Variants in COL3A1 observed in about 807,000 individuals in gnomAD.
The protein encoded by COL3A1 is collagen alpha-1(III) chain.
A neutral mutation model predicts 200.9 loss-of-function variants in COL3A1; 46 were observed. The observed-to-expected ratio is 0.23, with a 90% CI of 0.18 to 0.29. The LOEUF is 0.29. COL3A1 is among the 10% of genes least tolerant of loss of function. The probability of loss-of-function intolerance (pLI) is 1.00; values close to 1 mark genes in which losing one functional copy is unlikely to be tolerated. For synonymous variants in COL3A1, 650 were observed against 628.0 expected (o/e 1.03, Z -0.52); for missense variants, 1,367 against 1,917.6 (o/e 0.71, Z 5.36).
chr2:188,978,545 A>C (rs1576457811), intron 1 of COL3A1, among the ~76,000 whole-genome samples: 2 of 152,024 alleles, frequency 1.3e-5, no homozygotes, highest in East Asian at 3.9e-4. Context: ...TAATTTTGTA[A>C]CATCTAATGA....
intron 13 of COL3A1, 69 bp downstream of exon 13, chr2:188,991,791 T>C (rs962272032): frequency 6.6e-7 from 1 of 1,506,748 alleles, no homozygotes; most frequent in African/African-American, 1.4e-5. Flanking sequence ...TCAGTAAAGT[T>C]TCAGGCTGTA....
chr2:188,986,015 G>C (rs768223688), intron 4 of COL3A1, among the ~76,000 whole-genome samples: 2 of 151,808 alleles, frequency 1.3e-5, no homozygotes, highest in Non-Finnish European at 2.9e-5. Flanking sequence ...TGGAAAATTT[G>C]CTAATTTCTC....
At chr2:189,002,411 A>C in intron 35 of COL3A1, 60 bp downstream of exon 35, 1 of 1,512,446 alleles carries the variant, frequency 6.6e-7, no homozygotes, top group Non-Finnish European at 9.2e-7. Flanking sequence ...CTTGCTGAAA[A>C]ATTACAAAAG....
intron 25 of COL3A1, 44 bp downstream of exon 25, chr2:188,997,262 C>A (rs760473389): frequency 6.2e-7 from 1 of 1,611,944 alleles, no homozygotes; most frequent in Non-Finnish European, 8.5e-7. Context: ...CTAATAGATG[C>A]GTTCATCTCC....
chr2:188,996,782 A>T lies in COL3A1; in HGVS notation c.1761+286A>T, dbSNP rs189331924. ...GGCAGGCAGATCACCTGAGGTCAGG[A>T]GTTCTAGGCCAGCCTTGCCAACATG... On this transcript the variant is annotated intron_variant, in intron 24 of 50. Coordinates refer to ENST00000304636, the MANE Select transcript of COL3A1 (RefSeq NM_000090.4). 3.0e-3 allele frequency among the ~76,000 whole-genome samples: 456 copies of T among 152,250 alleles called. 11 individuals carry two copies. In the East Asian group the frequency reaches 0.066, roughly 22 times the overall value.
rs1268680919 is a variant in COL3A1 at position 189,004,298 on chromosome 2, A to G, written c.2865A>G (p.Ala955=). The G allele has an allele frequency of 1.2e-6, 2 of 1,608,192 alleles. No individual in the cohort carries two copies. The highest frequency in any genetic ancestry group is 1.7e-5 in the Admixed American group (1 of 59,360). Residue 955 remains alanine, a synonymous_variant, in exon 40 of 51, where the codon GCA becomes GCG. Coordinates refer to ENST00000304636, the MANE Select transcript of COL3A1 (RefSeq NM_000090.4). ...TTGGGATTGCTGGGATCACTGGAGC[A>G]CGGGGTCTTGCAGGACCACCAGGCA... The part of the protein sequence containing the change: ...GPLGIAGITG[A]RGLAGPPGMP...
intron 32 of COL3A1, among the ~76,000 whole-genome samples, chr2:189,000,876 T>C (rs1011664609): frequency 2.0e-5 from 3 of 152,194 alleles, no homozygotes; most frequent in Non-Finnish European, 1.5e-5. Context: ...TATATAATAG[T>C]TGCCTTAAAG....
chr2:188,999,282 C>G lies in COL3A1; in HGVS notation c.2023-3C>G. 1 of 1,566,018 alleles carries G rather than the reference C, an allele frequency of 6.4e-7. No individual in the cohort carries two copies. Among genetic ancestry groups the G allele is most frequent in the Non-Finnish European group, 8.7e-7 (1 of 1,154,562 alleles). Reference sequence around the variant, plus strand: ...TATGGTTATTTACATATTTTTGTCACAGGGTGATGCTGGTGCCCCTGGTGA... The same window carrying G: ...TATGGTTATTTACATATTTTTGTCAGAGGGTGATGCTGGTGCCCCTGGTGA... On this transcript the variant is annotated splice_region_variant and splice_polypyrimidine_tract_variant and intron_variant, in intron 29 of 50. Transcript: ENST00000304636.
intron 4 of COL3A1, 21 bp downstream of exon 4, chr2:188,985,799 A>C (rs1386344579): frequency 6.5e-7 from 1 of 1,531,836 alleles, no homozygotes; most frequent in Non-Finnish European, 9.0e-7. Context: ...TACGGTACTT[A>C]AAAAATTCCC....
rs919161646 is a variant in COL3A1 at position 189,010,375 on chromosome 2, G to T, written c.4011+10G>T. On this transcript the variant is annotated intron_variant, in intron 49 of 50. Transcript: ENST00000304636. ...GGATGGTGGTTTTCAGGTAGGAAAG[G>T]ATATACCTTTTTTTAAATAAGTCAC... 6.2e-7 allele frequency: 1 copy of T among 1,613,718 alleles called. No individual in the cohort carries two copies. The highest frequency in any genetic ancestry group is 8.5e-7 in the Non-Finnish European group (1 of 1,179,830).
chr2:188,974,632 G>A, intron 1 of COL3A1, 64 bp downstream of exon 1: 8 of 1,274,082 alleles, frequency 6.3e-6, no homozygotes, highest in Non-Finnish European at 9.2e-6. Flanking sequence ...TCACAAAGAG[G>A]GGTGTAAAGG....
In COL3A1 at chr2:188,988,649, T is replaced by C. The variant is rs780423624; in HGVS notation, c.636+6T>C. 2 of 1,597,288 alleles carry C rather than the reference T, an allele frequency of 1.3e-6. No individual in the cohort carries two copies. The highest frequency in any genetic ancestry group is 8.6e-7 in the Non-Finnish European group (1 of 1,165,810). On this transcript the variant is annotated splice_donor_region_variant and intron_variant, in intron 7 of 50. Transcript: ENST00000304636. Reference sequence around the variant, plus strand: ...CTGGGCAAGCTGGTCCTTCAGTAAGTAACAATTAAATTTATATTTAGTAAG... The same window carrying C: ...CTGGGCAAGCTGGTCCTTCAGTAAGCAACAATTAAATTTATATTTAGTAAG...
At chr2:188,996,321 C>T in intron 23 of COL3A1, 77 bp from the exon 24 acceptor site, 1 of 1,090,352 alleles carries the variant, frequency 9.2e-7, no homozygotes, top group Admixed American at 1.8e-5. Context: ...CACACACACA[C>T]ACACACATAC....
chr2:188,994,853 T>C lies in COL3A1; in HGVS notation c.1455+22T>C, dbSNP rs1014295433. On this transcript the variant is annotated intron_variant, in intron 20 of 50. Coordinates refer to ENST00000304636, the MANE Select transcript of COL3A1 (RefSeq NM_000090.4). The surrounding 1 kb of genome is among the most constrained non-coding windows in gnomAD (Gnocchi z 4.5). ...AAGGGTACGTTTTCCATGGGGCATC[T>C]AAAAGAAAAGCAGCATCACTGTCAT... is the stretch of plus-strand genomic sequence containing the variant. 2.5e-6 allele frequency: 4 copies of C among 1,610,910 alleles called. No individual in the cohort carries two copies. The highest frequency in any genetic ancestry group is 1.7e-6 in the Non-Finnish European group (2 of 1,178,136).
chr2:188,993,530 A>G (rs1413600614), intron 16 of COL3A1, 71 bp downstream of exon 16: 1 of 1,249,012 alleles, frequency 8.0e-7, no homozygotes, highest in African/African-American at 1.6e-5. Flanking sequence ...TTTCATGCTT[A>G]CTCCATGAAA....
At chr2:188,997,055 GAGACATATATATATGAGACATATATA>G in intron 24 of COL3A1, 84 bp from the exon 25 acceptor site, 2 of 723,140 alleles carry the variant, frequency 2.8e-6, no homozygotes, top group Middle Eastern at 3.7e-4. Flanking sequence ...ATATATATAT[GAGACATATATATATGAGACATATATA>G]TATGAGACAT....
chr2:188,995,142 A>G (rs756654066), intron 21 of COL3A1, 43 bp downstream of exon 21: 6 of 1,544,130 alleles, frequency 3.9e-6, no homozygotes, highest in South Asian at 1.1e-5. Flanking sequence ...CTAGCACCAC[A>G]AATGGGCAGT....
chr2:189,003,199 A>G, intron 36 of COL3A1, 137 bp downstream of exon 36: 2 of 826,198 alleles, frequency 2.4e-6, no homozygotes, highest in South Asian at 1.5e-5. Context: ...ATGGAGGTTT[A>G]TCAGTAATTT....
At chr2:188,998,618 T>C (rs906576862) in intron 28 of COL3A1, 56 bp from the exon 29 acceptor site, 5 of 1,533,952 alleles carry the variant, frequency 3.3e-6, no homozygotes, top group Non-Finnish European at 3.6e-6. Flanking sequence ...TATTTGCTTA[T>C]ATTTACATAA....
Sources: allele counts gnomAD v4.1 joint callset (sites outside exome capture counted in the v4.1 genomes callset), GRCh38; gene constraint gnomAD v4.1.1; non-coding constraint Gnocchi (gnomAD v3.1); transcripts MANE v1.5; gene names NCBI Gene and HGNC (gene_info 2026-07-23, HGNC 2026-07-21).